ADAMTS3: variants seen among roughly 807,000 people sequenced by gnomAD.
ADAMTS3 encodes A disintegrin and metalloproteinase with thrombospondin motifs 3.
In ADAMTS3, 73 loss-of-function variants were observed where a neutral mutation model predicts 129.0. The observed-to-expected ratio is 0.57, with a 90% confidence interval of 0.47 to 0.69. The LOEUF (loss-of-function observed/expected upper bound fraction) is 0.69. Among genes scored for constraint, ADAMTS3 ranks in the 30% least tolerant of loss-of-function variants. The pLI is 0.00. For missense variants in ADAMTS3, 1,457 were observed against 1,514.5 expected (o/e 0.96, Z 0.63); for synonymous variants, 477 against 510.8 (o/e 0.93, Z 0.89).
At chr4:72,564,912 A>T (rs1274587267) in intron 2 of ADAMTS3, among the ~76,000 whole-genome samples, 1 of 152,158 alleles carries the variant, frequency 6.6e-6, no homozygotes, top group Non-Finnish European at 1.5e-5. Flanking sequence ...AAACTGACAC[A>T]ATCAATTTAT....
chr4:72,417,825 C>G (rs1368777482), intron 3 of ADAMTS3, among the ~76,000 whole-genome samples: 2 of 149,172 alleles, frequency 1.3e-5, no homozygotes, highest in East Asian at 2.0e-4. Context: ...CCCAGCTACT[C>G]GGGAGGCTGA....
At chr4:72,303,804 C>A in intron 17 of ADAMTS3, 113 bp downstream of exon 17, 2 of 1,087,150 alleles carry the variant, frequency 1.8e-6, no homozygotes, top group East Asian at 2.5e-5. Context: ...TAAAAAGCAA[C>A]TCATGTTTCA....
chr4:72,555,386 A>G (rs1469082201), intron 2 of ADAMTS3, among the ~76,000 whole-genome samples: 1 of 151,784 alleles, frequency 6.6e-6, no homozygotes, highest in Non-Finnish European at 1.5e-5. Flanking sequence ...TCACTACAGT[A>G]GAGGATCACT....
intron 3 of ADAMTS3, among the ~76,000 whole-genome samples, chr4:72,475,699 A>G (rs1176278855): frequency 1.3e-5 from 2 of 152,036 alleles, no homozygotes; most frequent in Non-Finnish European, 2.9e-5. Context: ...ATAGGAAACT[A>G]TATACAGTTT....
chr4:72,552,350 T>C (rs1423396176), intron 2 of ADAMTS3, among the ~76,000 whole-genome samples: 1 of 152,194 alleles, frequency 6.6e-6, no homozygotes, highest in African/African-American at 2.4e-5. Context: ...ATTCAATAAA[T>C]ATCAGCTATT....
At chr4:72,485,501 T>C (rs1005704701) in intron 3 of ADAMTS3, among the ~76,000 whole-genome samples, 20 of 152,188 alleles carry the variant, frequency 1.3e-4, no homozygotes, top group African/African-American at 4.3e-4. Flanking sequence ...TGTTCTGGTT[T>C]AACAGGTTAT....
At chr4:72,364,344 G>C (rs1203967652) in intron 4 of ADAMTS3, among the ~76,000 whole-genome samples, 1 of 152,174 alleles carries the variant, frequency 6.6e-6, no homozygotes, top group African/African-American at 2.4e-5. Flanking sequence ...GCCAGATGCA[G>C]TGGCTCACGC....
intron 3 of ADAMTS3, among the ~76,000 whole-genome samples, chr4:72,547,680 A>G (rs1000117936): frequency 4.6e-5 from 7 of 152,220 alleles, no homozygotes; most frequent in Non-Finnish European, 7.3e-5. Context: ...CATATAAAAT[A>G]AATACAATTT....
chr4:72,281,121 T>C lies in ADAMTS3; in HGVS notation c.*2015A>G, dbSNP rs186503421. ...AATATGTACATCTTTATGGAAACTGTTTGTGTGACCATCTTTATCTTCCCC... is the reference window on the plus strand; with the variant it reads ...AATATGTACATCTTTATGGAAACTGCTTGTGTGACCATCTTTATCTTCCCC... On this transcript the variant is annotated 3_prime_UTR_variant, in exon 22 of 22. Transcript: ENST00000286657. The C allele has an allele frequency of 1.3e-5, 2 of 152,718 alleles. No individual in the cohort carries two copies. Among genetic ancestry groups the C allele is most frequent in the Admixed American group, 1.3e-4 (2 of 15,292 alleles). The allele number at this position is 152,718 out of a possible 1,614,324, so 9.5% of individuals were successfully genotyped here.
rs557940973 is a variant in ADAMTS3, at chr4:72,552,234, T to C, written c.98-3350A>G. 3.5e-4 allele frequency among the ~76,000 whole-genome samples: 54 copies of C among 152,308 alleles called. No individual in the cohort carries two copies. In the South Asian group the frequency reaches 0.011, roughly 31 times the overall value. Reference sequence around the variant, plus strand: ...GAGTCCACTTGTGATCTTCAGCAAGTTCTTTATTTTCTCTTAGGCTCAGTT... The same window carrying C: ...GAGTCCACTTGTGATCTTCAGCAAGCTCTTTATTTTCTCTTAGGCTCAGTT... On this transcript the variant is annotated intron_variant, in intron 2 of 21. Coordinates refer to ENST00000286657, the MANE Select transcript of ADAMTS3 (RefSeq NM_014243.3).
At chr4:72,478,357 C>T (rs1719307169) in intron 3 of ADAMTS3, among the ~76,000 whole-genome samples, 1 of 150,336 alleles carries the variant, frequency 6.7e-6, no homozygotes, top group Non-Finnish European at 1.5e-5. Context: ...ATCAAGTGGG[C>T]TTCATCCCTG....
chr4:72,524,080 T>C (rs80087681), intron 3 of ADAMTS3, among the ~76,000 whole-genome samples: 2,952 of 152,288 alleles, frequency 0.019, 39 homozygotes, highest in Non-Finnish European at 0.032. Context: ...GTTTAGCTCA[T>C]ATACTTGAAA....
chr4:72,403,454 T>C (rs1313601321), intron 4 of ADAMTS3, among the ~76,000 whole-genome samples: 1 of 26,850 alleles, frequency 3.7e-5, no homozygotes, highest in Non-Finnish European at 8.8e-5. Context: ...TATCTGCAGA[T>C]ATTAGATGGA....
intron 3 of ADAMTS3, among the ~76,000 whole-genome samples, chr4:72,529,630 A>T (rs1348635005): frequency 1.5e-5 from 2 of 134,100 alleles, no homozygotes; most frequent in Non-Finnish European, 3.1e-5. Context: ...AATATATATA[A>T]TATTATATAT....
At chr4:72,539,751 A>G (rs946390596) in intron 3 of ADAMTS3, among the ~76,000 whole-genome samples, 1 of 152,102 alleles carries the variant, frequency 6.6e-6, no homozygotes, top group Non-Finnish European at 1.5e-5. Flanking sequence ...TAGTCTCACA[A>G]GATCTGATGG....
chr4:72,494,348 TG>T (rs1719821437), intron 3 of ADAMTS3, among the ~76,000 whole-genome samples: 1 of 152,206 alleles, frequency 6.6e-6, no homozygotes, highest in South Asian at 2.1e-4. Context: ...TGATTGAGTC[TG>T]TTGCTGACAC....
chr4:72,430,184 A>T (rs1722664007), intron 3 of ADAMTS3, among the ~76,000 whole-genome samples: 1 of 151,904 alleles, frequency 6.6e-6, no homozygotes, highest in Admixed American at 6.6e-5. Context: ...CCTCATCAAG[A>T]GATAGAGTTT....
chr4:72,357,430 G>A (rs544799901), intron 4 of ADAMTS3, among the ~76,000 whole-genome samples: 3 of 151,840 alleles, frequency 2.0e-5, no homozygotes, highest in East Asian at 3.9e-4. Context: ...CAACTAGCAC[G>A]AAGAAATAAA....
chr4:72,300,545 A>G (rs1414159313), intron 17 of ADAMTS3, among the ~76,000 whole-genome samples: 1 of 152,234 alleles, frequency 6.6e-6, no homozygotes, highest in Non-Finnish European at 1.5e-5. Flanking sequence ...ATGAGAGTCT[A>G]GAATAGACCC....
Sources: allele counts gnomAD v4.1 joint callset (sites outside exome capture counted in the v4.1 genomes callset), GRCh38; gene constraint gnomAD v4.1.1; transcripts MANE v1.5; gene names NCBI Gene and HGNC (gene_info 2026-07-23, HGNC 2026-07-21).